The following CAMSAP2 variants were observed in gnomAD, a reference collection of about 807,000 sequenced individuals.
CAMSAP2 encodes calmodulin regulated spectrin associated protein family member 2.
CAMSAP2 carries 26 observed loss-of-function variants against 146.1 expected under a neutral mutation model. That is an observed-to-expected ratio of 0.18 (90% CI 0.13 to 0.25). The LOEUF (loss-of-function observed/expected upper bound fraction) is 0.25. Among genes scored for constraint, CAMSAP2 ranks in the 10% least tolerant of loss-of-function variants. The probability of loss-of-function intolerance (pLI) is 1.00; values close to 1 mark genes in which losing one functional copy is unlikely to be tolerated. For missense variants in CAMSAP2, 1,381 were observed against 1,759.3 expected (o/e 0.78, Z 3.85); for synonymous variants, 499 against 596.6 (o/e 0.84, Z 2.38).
chr1:200,807,712 G>A (rs910168949), intron 3 of CAMSAP2, among the ~76,000 whole-genome samples, 175 bp downstream of exon 3: 6 of 144,858 alleles, frequency 4.1e-5, no homozygotes, highest in East Asian at 2.0e-4. Context: ...ATAGTTTTCT[G>A]TATACTTAGC....
chr1:200,838,047 C>A (rs771669038), intron 6 of CAMSAP2, among the ~76,000 whole-genome samples: 1 of 152,146 alleles, frequency 6.6e-6, no homozygotes, highest in African/African-American at 2.4e-5. Flanking sequence ...ATTAATCTGG[C>A]ATCATTCCTG....
chr1:200,744,434 AAGT>A (rs1664265339), intron 1 of CAMSAP2, among the ~76,000 whole-genome samples: 1 of 152,188 alleles, frequency 6.6e-6, no homozygotes, highest in Admixed American at 6.5e-5. Context: ...ACAGAGAAGA[AAGT>A]ATAGTAACAC....
intron 7 of CAMSAP2, among the ~76,000 whole-genome samples, chr1:200,842,529 A>G (rs544989811): frequency 6.6e-6 from 1 of 152,286 alleles, no homozygotes; most frequent in African/African-American, 2.4e-5. Context: ...TGAACTATTG[A>G]TTGTACATAA....
At chr1:200,822,139 T>TAC (rs150135269) in intron 4 of CAMSAP2, among the ~76,000 whole-genome samples, 3,460 of 146,298 alleles carry the variant, frequency 0.024, 46 homozygotes, top group East Asian at 0.048. Flanking sequence ...TCTCTCGCTC[T>TAC]ACACACACAC....
Position 200,832,721 on chromosome 1 carries a change from A to G in CAMSAP2, c.803A>G (p.Glu268Gly), listed in dbSNP as rs375906378. The G allele has an allele frequency of 6.3e-7, 1 of 1,599,130 alleles. No homozygotes were observed. Among genetic ancestry groups the G allele is most frequent in the Admixed American group, 1.8e-5 (1 of 56,570 alleles). The change falls in exon 6 of 17, where the codon GAA becomes GGA. Residue 268 changes from glutamate to glycine, a missense_variant. Physicochemically the swap from Glu to Gly is moderately conservative, Grantham distance 98. This residue lies in a region of CAMSAP2 where 284 missense variants were observed against 406.9 expected (regional missense o/e 0.70). Coordinates refer to ENST00000358823, the MANE Select transcript of CAMSAP2 (RefSeq NM_203459.4). This position sits in a 1 kb window ranked among gnomAD's most constrained non-coding sequence, Gnocchi z 4.2. ...VVRLEDICLK[E>G]TMSLADSLYN... ...TTATTTGAAGATATTTGTTTGAAAGAAACTATGTCTTTGGCTGATAGCCTG... is the reference window on the plus strand; with the variant it reads ...TTATTTGAAGATATTTGTTTGAAAGGAACTATGTCTTTGGCTGATAGCCTG...
In CAMSAP2 at chr1:200,859,310, G is replaced by A. The variant is rs753718640; in HGVS notation, c.*1251G>A. On this transcript the variant is annotated 3_prime_UTR_variant, in exon 17 of 17. Coordinates refer to ENST00000358823, the MANE Select transcript of CAMSAP2 (RefSeq NM_203459.4). ...TAAACTAGCGGGGGAAGACAGTATT[G>A]TATCATAAATGAGATGCGTAGTTTG... is the stretch of plus-strand genomic sequence containing the variant. 3.3e-5 allele frequency: 5 copies of A among 152,576 alleles called. No individual in the cohort carries two copies. The highest frequency in any genetic ancestry group is 4.8e-5 in the African/African-American group (2 of 41,406). The allele number at this position is 152,576 out of a possible 1,614,324, so 9.5% of individuals were successfully genotyped here. A position where few individuals can be genotyped will look rare whatever the true frequency, so the allele number is the denominator to read the frequency against.
intron 2 of CAMSAP2, among the ~76,000 whole-genome samples, chr1:200,791,966 C>CAA (rs34505630): frequency 2.8e-5 from 4 of 143,646 alleles, no homozygotes; most frequent in African/African-American, 7.7e-5. Context: ...ACCCTGTCTC[C>CAA]AAAAAAAAAA....
At chr1:200,833,396 A>G (rs1004833181) in intron 6 of CAMSAP2, among the ~76,000 whole-genome samples, 3 of 152,056 alleles carry the variant, frequency 2.0e-5, no homozygotes, top group African/African-American at 7.2e-5. Flanking sequence ...CCCCATCCCT[A>G]CAATAAATAC....
intron 13 of CAMSAP2, 40 bp from the exon 14 acceptor site, chr1:200,854,777 T>C: frequency 4.6e-6 from 7 of 1,524,204 alleles, no homozygotes; most frequent in Non-Finnish European, 6.3e-6. Flanking sequence ...TTTCTGATTT[T>C]GTTTTTATTC....
In CAMSAP2 at chr1:200,815,494, ATTG is replaced by A. The variant is rs1327435559; in HGVS notation, c.562-64_562-62del. The A allele has an allele frequency of 5.1e-6, 4 of 779,150 alleles. No individual in the cohort carries two copies. In the African/African-American group the frequency reaches 5.4e-5, roughly 11 times the overall value. The allele number at this position is 779,150 out of a possible 1,614,324, so 48.3% of individuals were successfully genotyped here. On this transcript the variant is annotated intron_variant, in intron 3 of 16. Coordinates refer to ENST00000358823, the MANE Select transcript of CAMSAP2 (RefSeq NM_203459.4). The stretch of plus-strand genomic sequence containing the variant: ...TAGGCATCTTAATGTGTGTTATTTT[ATTG>A]TTATATTTGAATGTAAATTCAAAAA...
intron 6 of CAMSAP2, 137 bp from the exon 7 acceptor site, chr1:200,841,857 C>A: frequency 1.6e-6 from 1 of 623,580 alleles, no homozygotes. Context: ...TATTCCATCC[C>A]ATGTTTAATA....
intron 6 of CAMSAP2, among the ~76,000 whole-genome samples, chr1:200,833,372 G>A (rs1667094796): frequency 6.6e-6 from 1 of 151,974 alleles, no homozygotes; most frequent in African/African-American, 2.4e-5. Flanking sequence ...ACCAGACTGG[G>A]CAACATGGTG....
chr1:200,843,958 A>G (rs1487512360), intron 7 of CAMSAP2, among the ~76,000 whole-genome samples: 1 of 151,768 alleles, frequency 6.6e-6, no homozygotes, highest in Non-Finnish European at 1.5e-5. Flanking sequence ...TGCAGGCTCC[A>G]TCTCCCAGGT....
Position 200,858,822 on chromosome 1 carries a change from A to G in CAMSAP2, c.*763A>G, listed in dbSNP as rs555495368. ...ATTAAATCAGTGCTGTTTTTACACC[A>G]CTTCTGGCCAACTCAGAATAATTTA... On this transcript the variant is annotated 3_prime_UTR_variant, in exon 17 of 17. Coordinates refer to ENST00000358823, the MANE Select transcript of CAMSAP2 (RefSeq NM_203459.4). The G allele has an allele frequency of 7.2e-5, 11 of 152,744 alleles. No individual in the cohort carries two copies. Among genetic ancestry groups the G allele is most frequent in the African/African-American group, 2.4e-4 (10 of 41,572 alleles). 9.5% of individuals were successfully genotyped at this position (152,744 alleles called of 1,614,324 possible).
chr1:200,772,665 T>C (rs1405203720), intron 2 of CAMSAP2, among the ~76,000 whole-genome samples: 2 of 152,126 alleles, frequency 1.3e-5, no homozygotes, highest in African/African-American at 4.8e-5. Context: ...GTTAAATTGC[T>C]TTATCTTATA....
At chr1:200,803,277 A>ATGAGGGTAAGCAC (rs1666082389) in intron 2 of CAMSAP2, among the ~76,000 whole-genome samples, 1 of 152,182 alleles carries the variant, frequency 6.6e-6, no homozygotes, top group Non-Finnish European at 1.5e-5. Flanking sequence ...TATCTGTAAA[A>ATGAGGGTAAGCAC]TAGGTAGAGT....
At chr1:200,812,176 G>A (rs1666350244) in intron 3 of CAMSAP2, among the ~76,000 whole-genome samples, 1 of 152,068 alleles carries the variant, frequency 6.6e-6, no homozygotes, top group African/African-American at 2.4e-5. Context: ...TCTATGTGAG[G>A]ATAGGTACAA....
intron 4 of CAMSAP2, among the ~76,000 whole-genome samples, chr1:200,824,121 T>G (rs574375684): frequency 9.9e-5 from 15 of 152,278 alleles, no homozygotes; most frequent in Admixed American, 9.2e-4. Flanking sequence ...GTTCTTTCCT[T>G]GACCTAAAAT....
chr1:200,850,791 G>A (rs544606157), intron 11 of CAMSAP2, among the ~76,000 whole-genome samples: 1 of 152,294 alleles, frequency 6.6e-6, no homozygotes, highest in African/African-American at 2.4e-5. Flanking sequence ...TGGGCTGTCT[G>A]TCTCCAATCA....
Sources: allele counts gnomAD v4.1 joint callset (sites outside exome capture counted in the v4.1 genomes callset), GRCh38; gene constraint gnomAD v4.1.1; regional missense constraint gnomAD v4.1.1; non-coding constraint Gnocchi (gnomAD v3.1); transcripts MANE v1.5; gene names NCBI Gene and HGNC (gene_info 2026-07-23, HGNC 2026-07-21).